Variants in CUX1 observed in about 807,000 individuals in gnomAD.
The protein encoded by CUX1 is cut like homeobox 1.
Under a neutral mutation model 158.8 loss-of-function variants are expected in CUX1, and 31 were observed. That is an observed-to-expected ratio of 0.20 (90% CI 0.15 to 0.26). CUX1 has a LOEUF of 0.26. CUX1 is among the 10% of genes least tolerant of loss of function. CUX1 has a pLI of 1.00. For synonymous variants in CUX1, 879 were observed against 862.1 expected (o/e 1.02, Z -0.34); for missense variants, 1,589 against 2,014.6 (o/e 0.79, Z 4.04).
rs534768690 is a variant in CUX1 at position 101,950,619 on chromosome 7, A to G, written c.141+34394A>G. Among the ~76,000 whole-genome samples the G allele has an allele frequency of 2.4e-4, 36 of 152,276 alleles. 1 individual carries two copies. The South Asian group carries it at 3.9e-3, about 17-fold the overall frequency. On this transcript the variant is annotated intron_variant, in intron 2 of 23. Transcript: ENST00000292535. ...CTCAGCCATACTCATTTGTTTATCT[A>G]TTGTCTGTGGCTGCTTTTCTGGGCT...
chr7:102,124,368 G>A (rs1832379327), intron 8 of CUX1, among the ~76,000 whole-genome samples: 1 of 152,350 alleles, frequency 6.6e-6, no homozygotes, highest in East Asian at 1.9e-4. Flanking sequence ...CTGTGTTGCA[G>A]GCATACCTGC....
intron 2 of CUX1, among the ~76,000 whole-genome samples, chr7:101,999,634 A>G (rs964513194): frequency 1.3e-5 from 2 of 151,998 alleles, no homozygotes; most frequent in African/African-American, 2.4e-5. Flanking sequence ...GCCTGGAAAG[A>G]CCTCCTGACA....
At chr7:102,093,569 G>C in intron 4 of CUX1, among the ~76,000 whole-genome samples, 1 of 152,162 alleles carries the variant, frequency 6.6e-6, no homozygotes, top group Non-Finnish European at 1.5e-5. Flanking sequence ...CCCTGGGTGA[G>C]ATGCATCCAC....
Position 102,280,082 on chromosome 7 carries a change from G to T in CUX1, c.1726G>T (p.Glu576Ter). The change falls in exon 19 of 23, where the codon GAG (glutamate) becomes TAG (stop). Residue 576 changes from glutamate (E) to a stop codon, truncating the protein, a stop_gained. Coordinates refer to the CUX1 transcript ENST00000292538. LOFTEE classifies it high-confidence loss of function. ...GGAGCTGCGGTACTCGTCCCAGTACGAGGAGCGCCTGGACCCCTTCTCCTC... is the reference window on the plus strand; with the variant it reads ...GGAGCTGCGGTACTCGTCCCAGTACTAGGAGCGCCTGGACCCCTTCTCCTC... 6.2e-7 allele frequency: 1 copy of T among 1,611,092 alleles called. No homozygotes were observed. The highest frequency in any genetic ancestry group is 1.1e-5 in the South Asian group (1 of 91,068).
intron 1 of CUX1, among the ~76,000 whole-genome samples, chr7:101,874,903 G>C (rs1301071207): frequency 6.6e-6 from 1 of 152,208 alleles, no homozygotes; most frequent in Admixed American, 6.5e-5. Context: ...CACCAGGCTG[G>C]GGGGCCGCCT....
Position 102,249,322 on chromosome 7 carries a change from C to G in CUX1, c.*280C>G. ...CCCAGACCCAGCCCGCGGCCTGGAC[C>G]CCTGGACCGCTTTGCGCACTTACCG... On this transcript the variant is annotated 3_prime_UTR_variant, in exon 24 of 24. Coordinates refer to ENST00000292535, the MANE Select transcript of CUX1 (RefSeq NM_181552.4). 9.8e-7 allele frequency: 1 copy of G among 1,022,932 alleles called. No homozygotes were observed. Among genetic ancestry groups the G allele is most frequent in the Non-Finnish European group, 1.2e-6 (1 of 853,810 alleles). 63.4% of individuals were successfully genotyped at this position (1,022,932 alleles called of 1,614,324 possible). A position where few individuals can be genotyped will look rare whatever the true frequency, so the allele number is the denominator to read the frequency against.
At chr7:102,221,692 G>A (rs1226680617) in intron 20 of CUX1, among the ~76,000 whole-genome samples, 9 of 144,796 alleles carry the variant, frequency 6.2e-5, no homozygotes, top group African/African-American at 2.4e-4. Flanking sequence ...TCTGCTTTCT[G>A]TAGCTTGCTC....
At chr7:101,942,174 T>C (rs1807796631) in intron 2 of CUX1, among the ~76,000 whole-genome samples, 1 of 152,102 alleles carries the variant, frequency 6.6e-6, no homozygotes, top group South Asian at 2.1e-4. Context: ...CAGAAAAGCA[T>C]GACTAAGAGA....
chr7:102,231,815 G>A (rs1261952649), intron 21 of CUX1, among the ~76,000 whole-genome samples: 3 of 150,194 alleles, frequency 2.0e-5, no homozygotes, highest in Non-Finnish European at 4.4e-5. Context: ...CCGGGTTCAC[G>A]CCATTCTCCT....
chr7:101,842,872 ATT>A (rs375610847), intron 1 of CUX1, among the ~76,000 whole-genome samples: 2 of 105,758 alleles, frequency 1.9e-5, no homozygotes, highest in African/African-American at 3.7e-5. Context: ...AAATTATTCT[ATT>A]TTTTTTTTTT....
intron 8 of CUX1, among the ~76,000 whole-genome samples, chr7:102,150,611 C>T (rs1441177905): frequency 3.3e-5 from 5 of 152,216 alleles, no homozygotes; most frequent in African/African-American, 4.8e-5. Flanking sequence ...TTGAAATATG[C>T]GCCAACACCG....
chr7:102,080,178 C>A (rs923724606), intron 4 of CUX1, among the ~76,000 whole-genome samples: 1 of 152,146 alleles, frequency 6.6e-6, no homozygotes, highest in African/African-American at 2.4e-5. Flanking sequence ...CCCGGTCCCT[C>A]GACACAGCAC....
intron 2 of CUX1, among the ~76,000 whole-genome samples, chr7:102,005,249 G>A (rs548293090): frequency 2.6e-5 from 4 of 152,330 alleles, no homozygotes; most frequent in South Asian, 2.1e-4. Flanking sequence ...CCACTGGGCC[G>A]GGCGCGGTGG....
intron 3 of CUX1, among the ~76,000 whole-genome samples, chr7:102,067,189 A>C (rs1178220971): frequency 6.9e-6 from 1 of 145,532 alleles, no homozygotes; most frequent in African/African-American, 2.6e-5. Context: ...TGTATAATAC[A>C]TCTGTCTCTT....
chr7:102,156,519 A>G (rs1387894730), intron 8 of CUX1, among the ~76,000 whole-genome samples: 1 of 152,170 alleles, frequency 6.6e-6, no homozygotes, highest in African/African-American at 2.4e-5. Context: ...AATGGCACCA[A>G]GCCATTCATG....
At chr7:102,240,379 C>G (rs900113869) in intron 23 of CUX1, among the ~76,000 whole-genome samples, 4 of 152,158 alleles carry the variant, frequency 2.6e-5, no homozygotes, top group Non-Finnish European at 4.4e-5. Flanking sequence ...GGCAGTCCTC[C>G]CACCTCAGCC....
chr7:102,260,989 C>T (rs541613320), downstream of CUX1, among the ~76,000 whole-genome samples: 102 of 152,344 alleles, frequency 6.7e-4, no homozygotes, highest in South Asian at 1.2e-3. Context: ...CCTGCATGTA[C>T]GGACCCAACC....
intron 1 of CUX1, among the ~76,000 whole-genome samples, chr7:101,868,825 G>A (rs995415155): frequency 2.0e-5 from 3 of 152,028 alleles, no homozygotes; most frequent in Non-Finnish European, 2.9e-5. Context: ...GCCATTTGTC[G>A]TGGGGGGATG....
chr7:102,157,214 C>T (rs181280472), intron 8 of CUX1, among the ~76,000 whole-genome samples: 1 of 152,226 alleles, frequency 6.6e-6, no homozygotes, highest in Non-Finnish European at 1.5e-5. Flanking sequence ...GGATTGCATC[C>T]TGAAGGCAGC....
Sources: gnomAD v4.1 joint callset for allele counts (sites outside exome capture counted in the v4.1 genomes callset) on GRCh38, gnomAD v4.1.1 for gene constraint, MANE v1.5 for transcripts, NCBI Gene and HGNC (gene_info 2026-07-23, HGNC 2026-07-21) for gene names.